Variants in KIF4A observed in about 807,000 individuals in gnomAD.
The protein encoded by KIF4A is chromosome-associated kinesin KIF4A.
Under a neutral mutation model 105.9 loss-of-function variants are expected in KIF4A, and 7 were observed. That is an observed-to-expected ratio of 0.07 (90% CI 0.04 to 0.12). The LOEUF (loss-of-function observed/expected upper bound fraction) is 0.12. Among genes scored for constraint, KIF4A ranks in the 10% least tolerant of loss-of-function variants. KIF4A has a pLI of 1.00. For synonymous variants in KIF4A, 281 were observed against 331.3 expected, an observed-to-expected ratio of 0.85 and a Z score of 1.65; for missense variants, 558 against 929.2, an observed-to-expected ratio of 0.60 and a Z score of 5.19.
chrX:70,303,470 A>G (rs1446476403), intron 7 of KIF4A, among the ~76,000 whole-genome samples: 2 of 112,108 alleles, frequency 1.8e-5, no homozygotes, highest in Non-Finnish European at 3.8e-5. Context: ...GCAGAAGGAA[A>G]AATATTAATT....
intron 15 of KIF4A, among the ~76,000 whole-genome samples, chrX:70,372,613 G>A (rs755037842): frequency 1.4e-3 from 164 of 113,635 alleles, no homozygotes; most frequent in Middle Eastern, 0.014. Context: ...GCTTCGGCTC[G>A]GCATCAGAGG....
chrX:70,293,787 G>A (rs1001825285), intron 3 of KIF4A, among the ~76,000 whole-genome samples: 13 of 112,137 alleles, frequency 1.2e-4, no homozygotes, highest in Admixed American at 8.5e-4. Flanking sequence ...GGCAATTACC[G>A]TGAATGGAGC....
At chrX:70,305,543 CCAAA>C (rs1355078797) in intron 7 of KIF4A, among the ~76,000 whole-genome samples, 3 of 112,305 alleles carry the variant, frequency 2.7e-5, no homozygotes, top group Non-Finnish European at 1.9e-5. Context: ...TGTTTTATTG[CCAAA>C]CAATCTTCCA....
At chrX:70,386,332 C>T (rs2086217534) in intron 18 of KIF4A, among the ~76,000 whole-genome samples, 1 of 111,226 alleles carries the variant, frequency 9.0e-6, no homozygotes, top group South Asian at 3.8e-4. Flanking sequence ...CTTTAAGCTT[C>T]CTTCCAGGCC....
At chrX:70,330,001 A>C (rs2085924364) in intron 8 of KIF4A, among the ~76,000 whole-genome samples, 156 bp from the exon 9 acceptor site, 1 of 112,301 alleles carries the variant, frequency 8.9e-6, no homozygotes, top group African/African-American at 3.2e-5. Flanking sequence ...GAAATCTTAG[A>C]TATGTATACA....
intron 3 of KIF4A, among the ~76,000 whole-genome samples, chrX:70,294,375 G>A (rs2085772680): frequency 8.9e-6 from 1 of 112,118 alleles, no homozygotes; most frequent in African/African-American, 3.2e-5. Flanking sequence ...ATAAGTAGAA[G>A]GAGTATACTC....
At chrX:70,292,908 T>C (rs2085766701) in intron 3 of KIF4A, among the ~76,000 whole-genome samples, 2 of 112,318 alleles carry the variant, frequency 1.8e-5, no homozygotes, top group South Asian at 7.4e-4. Flanking sequence ...TTGCTTAACA[T>C]TACCCTTGGT....
intron 13 of KIF4A, among the ~76,000 whole-genome samples, chrX:70,346,731 C>A (rs2085994521): frequency 9.0e-6 from 1 of 111,222 alleles, no homozygotes; most frequent in African/African-American, 3.3e-5. Context: ...GCCCTTTTAT[C>A]CAGGAGTCCT....
intron 7 of KIF4A, among the ~76,000 whole-genome samples, chrX:70,313,173 T>C (rs1299725390): frequency 1.8e-5 from 2 of 111,642 alleles, no homozygotes; most frequent in Admixed American, 9.5e-5. Context: ...GTTTATACAT[T>C]TTATACTTTG....
In KIF4A at chrX:70,297,015, C is replaced by T. The variant is rs754080693; in HGVS notation, c.253C>T (p.Leu85=). The part of the protein sequence containing the change: ...GVFKGYNATV[L]AYGQTGSGKT... ...TTTGTCAGGATATAATGCAACGGTC[C>T]TGGCCTATGGGCAGACTGGCTCTGG... Residue 85 remains leucine (L), a synonymous_variant, in exon 4 of 31, where the codon CTG becomes TTG. Transcript: ENST00000374403. 7.4e-6 allele frequency: 9 copies of T among 1,211,353 alleles called. No homozygotes were observed. The highest frequency in any genetic ancestry group is 1.0e-5 in the Non-Finnish European group (9 of 895,317).
At position 70,297,140 on chromosome X, in the gene KIF4A, T is replaced by C. The variant is rs774243285; in HGVS notation, c.378T>C (p.Ile126=). ...TAATACAACTGCTCTTCAAAGAAAT[T>C]GATAAAAAGAGTGACTTTGAATTTA... is the stretch of plus-strand genomic sequence containing the variant. ...PRVIQLLFKE[I]DKKSDFEFTL... is the part of the protein sequence containing the mutation. The change falls in exon 4 of 31, where the codon ATT becomes ATC. Residue 126 remains isoleucine (I), a synonymous_variant. Transcript: ENST00000374403. 9 of 1,209,313 alleles carry C rather than the reference T, an allele frequency of 7.4e-6. No homozygotes were observed. In the East Asian group the frequency reaches 1.2e-4, roughly 16 times the overall value.
At chrX:70,355,785 C>T (rs1167088403) in intron 15 of KIF4A, among the ~76,000 whole-genome samples, 1 of 111,196 alleles carries the variant, frequency 9.0e-6, no homozygotes, top group Non-Finnish European at 1.9e-5. Flanking sequence ...TACCAGGGCC[C>T]AGTAGAGAAC....
intron 15 of KIF4A, among the ~76,000 whole-genome samples, chrX:70,363,418 C>T (rs139425337): frequency 0.019 from 2,135 of 110,023 alleles, 51 homozygotes; most frequent in African/African-American, 0.067. Flanking sequence ...CAACAGGCCC[C>T]GGTGTGTGAT....
intron 7 of KIF4A, among the ~76,000 whole-genome samples, chrX:70,326,942 A>G (rs1413394210): frequency 8.9e-6 from 1 of 112,174 alleles, no homozygotes; most frequent in Non-Finnish European, 1.9e-5. Context: ...TCTTGCTTGG[A>G]TCATTGCCAT....
intron 28 of KIF4A, among the ~76,000 whole-genome samples, chrX:70,417,111 C>T (rs1368994890): frequency 8.9e-6 from 1 of 112,899 alleles, no homozygotes; most frequent in Non-Finnish European, 1.9e-5. Context: ...CACAGTGCTT[C>T]ACTTTACCCA....
At chrX:70,414,456 G>T (rs139046043) in intron 28 of KIF4A, among the ~76,000 whole-genome samples, 1,854 of 111,869 alleles carry the variant, frequency 0.017, 37 homozygotes, top group African/African-American at 0.057. Context: ...CAAGGGAGGT[G>T]TTTATCACAG....
chrX:70,306,753 C>A (rs2085828826), intron 7 of KIF4A, among the ~76,000 whole-genome samples: 1 of 110,823 alleles, frequency 9.0e-6, no homozygotes, highest in African/African-American at 3.3e-5. Context: ...GTTGGCCAGG[C>A]TGGTCTCAAA....
chrX:70,311,467 T>C (rs996021033), intron 7 of KIF4A, among the ~76,000 whole-genome samples: 3 of 111,846 alleles, frequency 2.7e-5, no homozygotes, highest in African/African-American at 9.8e-5. Flanking sequence ...TTCAAGCATA[T>C]ACAGAAGAGG....
intron 1 of KIF4A, 117 bp downstream of exon 1, chrX:70,290,267 A>T: frequency 2.1e-6 from 1 of 473,546 alleles, no homozygotes; most frequent in Non-Finnish European, 3.3e-6. Context: ...AAGCCCGTGC[A>T]CTCTCTTTAG....
Sources: gnomAD v4.1 joint callset for allele counts (sites outside exome capture counted in the v4.1 genomes callset) on GRCh38, gnomAD v4.1.1 for gene constraint, MANE v1.5 for transcripts, NCBI Gene and HGNC (gene_info 2026-07-23, HGNC 2026-07-21) for gene names.